The following CTNND2 variants were observed in gnomAD, a reference collection of about 807,000 sequenced individuals.
The protein encoded by CTNND2 is catenin delta-2.
A neutral mutation model predicts 144.4 loss-of-function variants in CTNND2; 22 were observed. The observed-to-expected ratio is 0.15, with a 90% CI of 0.11 to 0.22. CTNND2 has a LOEUF of 0.22. Ranked by LOEUF, CTNND2 falls within the 10% of genes least tolerant of loss-of-function variation. CTNND2 has a pLI of 1.00. For synonymous variants in CTNND2, 751 were observed against 695.6 expected, an observed-to-expected ratio of 1.08 and a Z score of -1.25; for missense variants, 1,353 against 1,618.8, an observed-to-expected ratio of 0.84 and a Z score of 2.82.
intron 1 of CTNND2, among the ~76,000 whole-genome samples, chr5:11,741,967 A>G (rs1263841792): frequency 6.6e-6 from 1 of 151,688 alleles, no homozygotes; most frequent in African/African-American, 2.4e-5. Flanking sequence ...ACCAAACATC[A>G]TATGTTCTCA....
chr5:11,086,977 A>G (rs888356690), intron 15 of CTNND2, among the ~76,000 whole-genome samples: 2 of 152,232 alleles, frequency 1.3e-5, no homozygotes, highest in African/African-American at 2.4e-5. Context: ...TGAATCCATT[A>G]TAGTGCTAAA....
intron 9 of CTNND2, among the ~76,000 whole-genome samples, chr5:11,311,734 C>G (rs1264635716): frequency 6.8e-6 from 1 of 146,952 alleles, no homozygotes; most frequent in Non-Finnish European, 1.5e-5. Context: ...ACCCTCACCT[C>G]ACATGCCCAT....
intron 14 of CTNND2, among the ~76,000 whole-genome samples, chr5:11,104,218 T>A (rs1752191139): frequency 6.6e-6 from 1 of 152,300 alleles, no homozygotes; most frequent in East Asian, 1.9e-4. Context: ...TTCAGTGAAA[T>A]AAACAACAGA....
At position 11,005,660 on chromosome 5, in the gene CTNND2, T is replaced by C. The variant is rs191327404; in HGVS notation, c.3084+12314A>G. ...AACAACAAGGTGGGTTGGGTGCTAT[T>C]TACTGAGATGGGCAACCACGGAAGA... is the stretch of plus-strand genomic sequence containing the variant. On this transcript the variant is annotated intron_variant, in intron 18 of 21. Transcript: ENST00000304623. Among the ~76,000 whole-genome samples, 41 of 152,320 alleles carry C rather than the reference T, an allele frequency of 2.7e-4. No individual in the cohort carries two copies. The East Asian group carries it at 6.0e-3, about 22-fold the overall frequency.
chr5:11,295,087 T>C (rs979309904), intron 9 of CTNND2, among the ~76,000 whole-genome samples: 16 of 152,138 alleles, frequency 1.1e-4, no homozygotes, highest in Non-Finnish European at 2.4e-4. Flanking sequence ...AAAACCCCAC[T>C]GTCTCCGCCC....
At chr5:11,316,278 T>G (rs1580883862) in intron 9 of CTNND2, among the ~76,000 whole-genome samples, 3 of 151,880 alleles carry the variant, frequency 2.0e-5, no homozygotes, top group African/African-American at 7.3e-5. Context: ...CAGGCTGGAG[T>G]GTAGTGGTGT....
At position 11,731,420 on chromosome 5, in the gene CTNND2, C is replaced by T. The variant is rs141063282; in HGVS notation, c.174+716G>A. 6.6e-5 allele frequency among the ~76,000 whole-genome samples: 10 copies of T among 152,280 alleles called. No individual in the cohort carries two copies. The East Asian group carries it at 1.2e-3, about 18-fold the overall frequency. On this transcript the variant is annotated intron_variant, in intron 2 of 21. Transcript: ENST00000304623. Reference sequence around the variant, plus strand: ...ATCACCAAATCACATAACCCAAACGCGGCAGGCTTTTTTACTTAAAATTTT... The same window carrying T: ...ATCACCAAATCACATAACCCAAACGTGGCAGGCTTTTTTACTTAAAATTTT...
intron 3 of CTNND2, among the ~76,000 whole-genome samples, chr5:11,457,577 T>C (rs1013829564): frequency 5.9e-5 from 9 of 152,164 alleles, no homozygotes; most frequent in African/African-American, 1.7e-4. Context: ...TTTTTCTACT[T>C]CATCTTCTTA....
chr5:11,433,817 G>C (rs1763516417), intron 3 of CTNND2, among the ~76,000 whole-genome samples: 1 of 152,150 alleles, frequency 6.6e-6, no homozygotes, highest in South Asian at 2.1e-4. Flanking sequence ...TGAGATTTGG[G>C]TAGGAACAAA....
At chr5:11,795,327 T>C (rs1181187722) in intron 1 of CTNND2, among the ~76,000 whole-genome samples, 2 of 152,156 alleles carry the variant, frequency 1.3e-5, no homozygotes, top group South Asian at 4.1e-4. Flanking sequence ...CAGGTGAGGA[T>C]ACAAACCGCA....
intron 9 of CTNND2, among the ~76,000 whole-genome samples, chr5:11,314,664 G>A (rs775899040): frequency 2.6e-5 from 4 of 152,206 alleles, no homozygotes; most frequent in Non-Finnish European, 5.9e-5. Flanking sequence ...ACTGCACCTG[G>A]CCCAGACTGG....
In CTNND2 at chr5:11,190,121, A is replaced by T. The variant is rs535861299; in HGVS notation, c.1975+9327T>A. 2.0e-5 allele frequency among the ~76,000 whole-genome samples: 3 copies of T among 152,326 alleles called. No individual in the cohort carries two copies. In the South Asian group the frequency reaches 6.2e-4, roughly 32 times the overall value. Reference sequence around the variant, plus strand: ...CTTGCCATCAAAAGGTAGACCAAATACTTATCTCCTCTGCCCATCATTGAT... The same window carrying T: ...CTTGCCATCAAAAGGTAGACCAAATTCTTATCTCCTCTGCCCATCATTGAT... On this transcript the variant is annotated intron_variant, in intron 11 of 21. Transcript: ENST00000304623.
chr5:11,315,087 T>TC (rs535560455), intron 9 of CTNND2, among the ~76,000 whole-genome samples: 2,461 of 152,270 alleles, frequency 0.016, 26 homozygotes, highest in Non-Finnish European at 0.023. Context: ...TAAATTAAGC[T>TC]ATGCTAGCAA....
At chr5:11,823,571 T>C (rs1793436543) in intron 1 of CTNND2, among the ~76,000 whole-genome samples, 2 of 152,334 alleles carry the variant, frequency 1.3e-5, no homozygotes, top group South Asian at 2.1e-4. Context: ...TTAGCTGTTA[T>C]GCAGCTCATT....
At chr5:11,684,710 T>C (rs1784566407) in intron 2 of CTNND2, among the ~76,000 whole-genome samples, 2 of 152,202 alleles carry the variant, frequency 1.3e-5, no homozygotes, top group South Asian at 2.1e-4. Flanking sequence ...TTTTTTACTA[T>C]AGTACTCTGT....
At chr5:11,375,971 G>A in intron 7 of CTNND2, among the ~76,000 whole-genome samples, 1 of 152,114 alleles carries the variant, frequency 6.6e-6, no homozygotes, top group South Asian at 2.1e-4. Flanking sequence ...GTGTTAGGAG[G>A]TGGGGCCTCT....
intron 13 of CTNND2, among the ~76,000 whole-genome samples, chr5:11,111,298 G>C (rs1270720752): frequency 6.6e-6 from 1 of 152,178 alleles, no homozygotes; most frequent in African/African-American, 2.4e-5. Flanking sequence ...TGTTATTGTT[G>C]ATTGAAATTC....
At chr5:11,488,117 A>G (rs1287070536) in intron 3 of CTNND2, among the ~76,000 whole-genome samples, 2 of 152,216 alleles carry the variant, frequency 1.3e-5, no homozygotes, top group Non-Finnish European at 2.9e-5. Context: ...TGATCTAAAC[A>G]TCTGATTATC....
At chr5:11,391,753 A>T (rs894831064) in intron 6 of CTNND2, among the ~76,000 whole-genome samples, 3 of 152,176 alleles carry the variant, frequency 2.0e-5, no homozygotes, top group Non-Finnish European at 4.4e-5. Context: ...AAAAGAAGAG[A>T]TAGCTTCTAT....
Sources: allele counts gnomAD v4.1 joint callset (sites outside exome capture counted in the v4.1 genomes callset), GRCh38; gene constraint gnomAD v4.1.1; transcripts MANE v1.5; gene names NCBI Gene and HGNC (gene_info 2026-07-23, HGNC 2026-07-21).